The following ADAM23 variants were observed in gnomAD, a reference collection of about 807,000 sequenced individuals.
ADAM23 encodes ADAM metallopeptidase domain 23.
A neutral mutation model predicts 120.1 loss-of-function variants in ADAM23; 33 were observed. That is an observed-to-expected ratio of 0.27 (90% confidence interval 0.21 to 0.37). ADAM23 has a LOEUF of 0.37. ADAM23 is among the 10% of genes least tolerant of loss of function. The probability of loss-of-function intolerance (pLI) is 1.00; values close to 1 mark genes in which losing one functional copy is unlikely to be tolerated. For synonymous variants in ADAM23, 367 were observed against 375.2 expected, an observed-to-expected ratio of 0.98 and a Z score of 0.25; for missense variants, 862 against 1,058.2, an observed-to-expected ratio of 0.81 and a Z score of 2.57.
At chr2:206,476,984 G>A (rs1043836947) in intron 2 of ADAM23, among the ~76,000 whole-genome samples, 1 of 151,974 alleles carries the variant, frequency 6.6e-6, no homozygotes, top group Non-Finnish European at 1.5e-5. Context: ...CCTGCAAATG[G>A]CTGCCTTTTA....
intron 3 of ADAM23, 34 bp downstream of exon 3, chr2:206,481,342 G>C (rs747241313): frequency 6.7e-7 from 1 of 1,489,660 alleles, no homozygotes; most frequent in East Asian, 2.4e-5. Context: ...TTAAGAAGCA[G>C]GTGCAATAAA....
At chr2:206,542,455 T>C (rs1175859796) in intron 5 of ADAM23, among the ~76,000 whole-genome samples, 1 of 152,160 alleles carries the variant, frequency 6.6e-6, no homozygotes, top group Non-Finnish European at 1.5e-5. Context: ...ACATATCAGT[T>C]AGACCTACAG....
chr2:206,477,923 A>ATATATATATATATATATAT (rs1261680065), intron 2 of ADAM23, among the ~76,000 whole-genome samples: 19 of 90,686 alleles, frequency 2.1e-4, no homozygotes, highest in African/African-American at 4.3e-4. Flanking sequence ...TATATATATA[A>ATATATATATATATATATAT]AACAACAATG....
At chr2:206,537,867 A>G (rs1477595279) in intron 4 of ADAM23, among the ~76,000 whole-genome samples, 1 of 152,248 alleles carries the variant, frequency 6.6e-6, no homozygotes, top group Non-Finnish European at 1.5e-5. Flanking sequence ...CAAGGAAAAC[A>G]GAACTATCCA....
chr2:206,449,265 A>T (rs1207445107), intron 2 of ADAM23, among the ~76,000 whole-genome samples: 2 of 152,162 alleles, frequency 1.3e-5, no homozygotes, highest in Non-Finnish European at 2.9e-5. Context: ...GATCGTTTTC[A>T]CTTGTGGAGA....
intron 24 of ADAM23, 138 bp downstream of exon 24, chr2:206,596,300 G>A (rs1205487228): frequency 5.0e-6 from 3 of 596,236 alleles, no homozygotes; most frequent in East Asian, 5.8e-5. Context: ...TATAATTTAT[G>A]TTACTGCCAA....
intron 3 of ADAM23, among the ~76,000 whole-genome samples, chr2:206,517,351 G>A (rs1441710229): frequency 6.6e-6 from 1 of 152,088 alleles, no homozygotes; most frequent in African/African-American, 2.4e-5. Context: ...TGCTTACCTG[G>A]GGGCTAAGCC....
At chr2:206,475,713 A>G (rs1247678311) in intron 2 of ADAM23, among the ~76,000 whole-genome samples, 1 of 151,846 alleles carries the variant, frequency 6.6e-6, no homozygotes, top group East Asian at 1.9e-4. Context: ...TCCTCCTCCC[A>G]TCTTGTTAGT....
chr2:206,548,584 G>A (rs369562265), intron 8 of ADAM23, among the ~76,000 whole-genome samples: 37 of 152,240 alleles, frequency 2.4e-4, no homozygotes, highest in African/African-American at 8.4e-4. Flanking sequence ...GAACCCTGAC[G>A]TCATCTAAAG....
chr2:206,537,334 T>G (rs764800389), intron 4 of ADAM23, among the ~76,000 whole-genome samples: 2 of 152,136 alleles, frequency 1.3e-5, no homozygotes, highest in Admixed American at 6.5e-5. Flanking sequence ...TAGGTCTCTG[T>G]GCGCGTGGCT....
At chr2:206,540,477 A>G in intron 4 of ADAM23, among the ~76,000 whole-genome samples, 1 of 152,180 alleles carries the variant, frequency 6.6e-6, no homozygotes, top group East Asian at 1.9e-4. Flanking sequence ...ATATATATTT[A>G]TCTCTGTTTT....
intron 18 of ADAM23, 53 bp from the exon 19 acceptor site, chr2:206,587,272 A>G: frequency 1.5e-6 from 2 of 1,364,760 alleles, no homozygotes; most frequent in South Asian, 1.2e-5. Context: ...TATGTACATT[A>G]TCTGAAGGTA....
intron 2 of ADAM23, among the ~76,000 whole-genome samples, chr2:206,478,995 G>A (rs1239921252): frequency 1.3e-5 from 2 of 152,158 alleles, no homozygotes; most frequent in Non-Finnish European, 2.9e-5. Flanking sequence ...CTGCCCCTCT[G>A]GAGACCATCA....
At chr2:206,598,657 G>A (rs949961335) in intron 24 of ADAM23, among the ~76,000 whole-genome samples, 1 of 152,154 alleles carries the variant, frequency 6.6e-6, no homozygotes, top group African/African-American at 2.4e-5. Flanking sequence ...CCAAGACTTT[G>A]GGAGGCCGAG....
intron 7 of ADAM23, 70 bp from the exon 8 acceptor site, chr2:206,548,211 T>G: frequency 7.1e-7 from 1 of 1,401,482 alleles, no homozygotes; most frequent in Non-Finnish European, 1.0e-6. Flanking sequence ...TGTTTCTTCA[T>G]GTAATATTTT....
chr2:206,569,434 A>G (rs530042107), intron 15 of ADAM23, among the ~76,000 whole-genome samples: 15 of 152,288 alleles, frequency 9.8e-5, no homozygotes, highest in African/African-American at 3.1e-4. Context: ...GTATCAAAGA[A>G]GTGACTTTTT....
chr2:206,609,645 A>G (rs750996637), intron 24 of ADAM23: 15 of 389,858 alleles, frequency 3.8e-5, no homozygotes, highest in Middle Eastern at 6.7e-4. Context: ...AGTGGGGCCT[A>G]TTTGCTTCAA....
intron 3 of ADAM23, among the ~76,000 whole-genome samples, chr2:206,500,615 G>A (rs1696367554): frequency 6.6e-6 from 1 of 152,114 alleles, no homozygotes. Context: ...TCTCCTTTGT[G>A]CACAATCCTG....
At chr2:206,554,225 G>C (rs1053104872) in intron 9 of ADAM23, among the ~76,000 whole-genome samples, 1 of 152,020 alleles carries the variant, frequency 6.6e-6, no homozygotes, top group Non-Finnish European at 1.5e-5. Flanking sequence ...ATTATCAGTG[G>C]CTTTCCATTA....
Sources: allele counts gnomAD v4.1 joint callset (sites outside exome capture counted in the v4.1 genomes callset), GRCh38; gene constraint gnomAD v4.1.1; transcripts MANE v1.5; gene names NCBI Gene and HGNC (gene_info 2026-07-23, HGNC 2026-07-21).